The following TBC1D5 variants were observed in gnomAD, a reference collection of about 807,000 sequenced individuals.
TBC1D5 encodes TBC1 domain family member 5.
A neutral mutation model predicts 100.3 loss-of-function variants in TBC1D5; 75 were observed. The ratio of observed to expected loss-of-function variants is 0.75; its 90% CI spans 0.62 to 0.91. The LOEUF (loss-of-function observed/expected upper bound fraction) is 0.91, where lower values mean the gene tolerates loss of function less well. Among genes scored for constraint, TBC1D5 ranks in the 40% least tolerant of loss-of-function variants. The probability of loss-of-function intolerance (pLI) is 0.00; values close to 1 mark genes in which losing one functional copy is unlikely to be tolerated. For missense variants in TBC1D5, 910 were observed against 942.4 expected (o/e 0.97, Z 0.45); for synonymous variants, 323 against 325.6 (o/e 0.99, Z 0.09).
chr3:17,541,717 C>T (rs190912293), intron 2 of TBC1D5, among the ~76,000 whole-genome samples: 24 of 152,278 alleles, frequency 1.6e-4, no homozygotes, highest in African/African-American at 5.3e-4. Flanking sequence ...ACATCCATTA[C>T]TATGTTGAAC....
intron 2 of TBC1D5, among the ~76,000 whole-genome samples, chr3:17,568,053 T>C (rs78606789): frequency 0.021 from 3,140 of 151,692 alleles, 44 homozygotes; most frequent in Non-Finnish European, 0.033. Flanking sequence ...CAAGCTTTGA[T>C]AATAATGTTC....
chr3:17,354,788 AGTGCATAATTACC>A (rs1278299519), intron 13 of TBC1D5, among the ~76,000 whole-genome samples: 2 of 152,030 alleles, frequency 1.3e-5, no homozygotes, highest in Non-Finnish European at 2.9e-5. Context: ...AAGAAGTCAA[AGTGCATAATTACC>A]GTGTATAAAT....
At chr3:17,525,973 T>C (rs2096129465) in intron 2 of TBC1D5, among the ~76,000 whole-genome samples, 1 of 152,190 alleles carries the variant, frequency 6.6e-6, no homozygotes, top group Non-Finnish European at 1.5e-5. Flanking sequence ...TGCTTCATTC[T>C]CTCTGAAATG....
chr3:17,626,861 A>T (rs1254381619), intron 1 of TBC1D5, among the ~76,000 whole-genome samples: 1 of 152,174 alleles, frequency 6.6e-6, no homozygotes. Context: ...GGAGGAAAAA[A>T]CTAGGACAAA....
intron 3 of TBC1D5, among the ~76,000 whole-genome samples, chr3:17,450,901 T>C (rs1037067738): frequency 6.6e-6 from 1 of 152,068 alleles, no homozygotes; most frequent in Non-Finnish European, 1.5e-5. Context: ...TAAGATACTC[T>C]ACCAGAAGAA....
At chr3:17,208,629 G>C (rs1172751439) in intron 18 of TBC1D5, among the ~76,000 whole-genome samples, 2 of 152,170 alleles carry the variant, frequency 1.3e-5, no homozygotes, top group African/African-American at 4.8e-5. Flanking sequence ...ATGATTACTT[G>C]CATTCTGTCT....
At chr3:17,481,319 T>C (rs1264321979) in intron 3 of TBC1D5, among the ~76,000 whole-genome samples, 1 of 152,160 alleles carries the variant, frequency 6.6e-6, no homozygotes, top group African/African-American at 2.4e-5. Context: ...TTGGAAGGCA[T>C]GGGATTTGGG....
At chr3:17,314,263 T>C (rs1268223255) in intron 13 of TBC1D5, among the ~76,000 whole-genome samples, 2 of 152,134 alleles carry the variant, frequency 1.3e-5, no homozygotes, top group Non-Finnish European at 2.9e-5. Flanking sequence ...TTAATTAATA[T>C]CAATCTTTTT....
chr3:17,655,578 C>T (rs1365380884), intron 1 of TBC1D5, among the ~76,000 whole-genome samples: 2 of 151,998 alleles, frequency 1.3e-5, no homozygotes, highest in African/African-American at 4.8e-5. Flanking sequence ...TAACCATAAT[C>T]CTAATAATGA....
In TBC1D5 at chr3:17,374,690, C is replaced by T. The variant is rs1467991662; in HGVS notation, c.702-11G>A. On this transcript the variant is annotated splice_polypyrimidine_tract_variant and intron_variant, in intron 10 of 21. Transcript: ENST00000253692. ...GTTTTCATTTCCTCACTTAAAAAAG[C>T]AATACAAGCAATCAAAATGTGTAAT... 3 of 1,608,578 alleles carry T rather than the reference C, an allele frequency of 1.9e-6. No homozygotes were observed. Among genetic ancestry groups the T allele is most frequent in the Non-Finnish European group, 2.5e-6 (3 of 1,178,496 alleles).
At chr3:17,721,131 A>T (rs987288373) in intron 1 of TBC1D5, among the ~76,000 whole-genome samples, 1 of 152,038 alleles carries the variant, frequency 6.6e-6, no homozygotes, top group African/African-American at 2.4e-5. Context: ...ATGAGAAACC[A>T]CACCCCGCCG....
At chr3:17,588,254 G>GAA (rs556546467) in intron 2 of TBC1D5, among the ~76,000 whole-genome samples, 71 of 74,074 alleles carry the variant, frequency 9.6e-4, no homozygotes, top group African/African-American at 2.9e-3. Context: ...CAAGAAAGGA[G>GAA]AAAAAAAAAA....
intron 2 of TBC1D5, among the ~76,000 whole-genome samples, chr3:17,543,158 TAG>T (rs943095764): frequency 6.6e-6 from 1 of 151,578 alleles, no homozygotes; most frequent in African/African-American, 2.4e-5. Context: ...AAAGAAAGAA[TAG>T]AGAGAGAGAA....
intron 1 of TBC1D5, among the ~76,000 whole-genome samples, chr3:17,696,137 G>A (rs1275260630): frequency 2.6e-5 from 4 of 151,884 alleles, no homozygotes; most frequent in Non-Finnish European, 5.9e-5. Flanking sequence ...AATGCCCACA[G>A]AAGAAAGCAA....
rs1397577449 is a variant in TBC1D5 at position 17,300,542 on chromosome 3, A to T, written c.1138+7450T>A. Among the ~76,000 whole-genome samples, 3 of 152,202 alleles carry T rather than the reference A, an allele frequency of 2.0e-5. No individual in the cohort carries two copies. The East Asian group carries it at 5.8e-4, about 29-fold the overall frequency. ...CTAAAATGAAATCAAAAGGAGTAAT[A>T]TTTGAAATCACAAAGAGGCCACAAC... On this transcript the variant is annotated intron_variant, in intron 14 of 21. Coordinates refer to ENST00000253692, the Ensembl canonical transcript of TBC1D5.
intron 1 of TBC1D5, among the ~76,000 whole-genome samples, chr3:17,663,950 AT>A (rs1280082332): frequency 6.6e-6 from 1 of 152,250 alleles, no homozygotes; most frequent in African/African-American, 2.4e-5. Flanking sequence ...CATTTTTCAT[AT>A]AAAAAACTTA....
chr3:17,617,067 G>A (rs1238948690), intron 2 of TBC1D5, among the ~76,000 whole-genome samples: 6 of 151,892 alleles, frequency 4.0e-5, no homozygotes, highest in Admixed American at 1.3e-4. Flanking sequence ...TCAGGAGCTC[G>A]CTCTTGTAAG....
At chr3:17,162,307 C>T (rs2066141019) in intron 21 of TBC1D5, among the ~76,000 whole-genome samples, 1 of 152,228 alleles carries the variant, frequency 6.6e-6, no homozygotes, top group Non-Finnish European at 1.5e-5. Flanking sequence ...ACTGGCATGG[C>T]CTAGGCCATC....
intron 1 of TBC1D5, among the ~76,000 whole-genome samples, chr3:17,637,108 G>A (rs1421948392): frequency 2.7e-5 from 4 of 147,414 alleles, no homozygotes; most frequent in Non-Finnish European, 4.5e-5. Flanking sequence ...TGCAACCTCC[G>A]CCTCCTGGGT....
Sources: allele counts gnomAD v4.1 joint callset (sites outside exome capture counted in the v4.1 genomes callset), GRCh38; gene constraint gnomAD v4.1.1; transcripts MANE v1.5; gene names NCBI Gene and HGNC (gene_info 2026-07-23, HGNC 2026-07-21).